ANKS1B: variants seen among roughly 807,000 people sequenced by gnomAD.
The protein encoded by ANKS1B is ankyrin repeat and sterile alpha motif domain-containing protein 1B.
In ANKS1B, 36 loss-of-function variants were observed where a neutral mutation model predicts 148.3. That is an observed-to-expected ratio of 0.24 (90% CI 0.19 to 0.32). The LOEUF (loss-of-function observed/expected upper bound fraction) is 0.32. ANKS1B is among the 10% of genes least tolerant of loss of function. The pLI is 1.00. For synonymous variants in ANKS1B, 542 were observed against 560.8 expected (o/e 0.97, Z 0.47); for missense variants, 1,157 against 1,542.6 (o/e 0.75, Z 4.19).
At chr12:98,810,810 T>C (rs1009456746) in intron 19 of ANKS1B, among the ~76,000 whole-genome samples, 22 of 152,226 alleles carry the variant, frequency 1.4e-4, no homozygotes, top group African/African-American at 5.1e-4. Context: ...GAAGACTCCA[T>C]TTTGTATGAA....
chr12:99,195,028 G>C (rs2081225498), intron 14 of ANKS1B, among the ~76,000 whole-genome samples: 1 of 151,924 alleles, frequency 6.6e-6, no homozygotes, highest in Admixed American at 6.6e-5. Context: ...TGAAAACATT[G>C]GATTCTTGAG....
intron 9 of ANKS1B, among the ~76,000 whole-genome samples, chr12:99,534,018 C>A (rs1029393188): frequency 1.3e-5 from 2 of 152,092 alleles, no homozygotes; most frequent in Non-Finnish European, 2.9e-5. Context: ...TTTTAAAAAA[C>A]CCTCTTTGTA....
chr12:98,938,295 A>C (rs1450602778), intron 17 of ANKS1B, among the ~76,000 whole-genome samples: 2 of 152,224 alleles, frequency 1.3e-5, no homozygotes, highest in Non-Finnish European at 2.9e-5. Flanking sequence ...TCAGTGGAAT[A>C]TCTTTATTAA....
intron 12 of ANKS1B, among the ~76,000 whole-genome samples, chr12:99,375,339 A>G (rs960405647): frequency 4.6e-5 from 7 of 152,178 alleles, no homozygotes; most frequent in African/African-American, 1.7e-4. Flanking sequence ...CCACTGGTGT[A>G]TATCATTGCT....
chr12:98,975,060 C>T (rs959223628), intron 17 of ANKS1B, among the ~76,000 whole-genome samples: 1 of 133,278 alleles, frequency 7.5e-6, no homozygotes, highest in Non-Finnish European at 1.6e-5. Flanking sequence ...TTCCTTCCCT[C>T]CTTCTTCCTC....
chr12:99,305,779 C>T (rs1320013406), intron 12 of ANKS1B, among the ~76,000 whole-genome samples: 1 of 152,110 alleles, frequency 6.6e-6, no homozygotes, highest in Non-Finnish European at 1.5e-5. Context: ...TCTTTAAAAT[C>T]ACCTGGTTCT....
intron 1 of ANKS1B, among the ~76,000 whole-genome samples, chr12:99,944,834 A>G (rs2095019806): frequency 6.6e-6 from 1 of 152,092 alleles, no homozygotes; most frequent in East Asian, 1.9e-4. Context: ...ATTGCTAGGG[A>G]AAAACTGGAG....
chr12:99,815,989 G>T (rs955657928), intron 2 of ANKS1B, among the ~76,000 whole-genome samples: 7 of 151,570 alleles, frequency 4.6e-5, no homozygotes, highest in African/African-American at 1.7e-4. Context: ...TTTTCCTTCG[G>T]GTAGATACCC....
chr12:99,916,074 G>T (rs1300094788), intron 1 of ANKS1B, among the ~76,000 whole-genome samples: 5 of 152,168 alleles, frequency 3.3e-5, no homozygotes, highest in African/African-American at 1.2e-4. Context: ...ATGACAAGTA[G>T]TTAATAAGGT....
intron 17 of ANKS1B, among the ~76,000 whole-genome samples, chr12:99,033,788 C>A (rs539546477): frequency 1.3e-5 from 2 of 152,334 alleles, no homozygotes; most frequent in African/African-American, 4.8e-5. Context: ...GGTTGACTAT[C>A]TTCAGATTAC....
At chr12:99,429,950 CA>C (rs2095339054) in intron 11 of ANKS1B, among the ~76,000 whole-genome samples, 1 of 150,534 alleles carries the variant, frequency 6.6e-6, no homozygotes, top group Non-Finnish European at 1.5e-5. Context: ...GGCGACAGAG[CA>C]AGACTCCGTC....
In ANKS1B at chr12:99,650,310, T is replaced by C. The variant is rs11109973; in HGVS notation, c.1272+4757A>G. Reference sequence around the variant, plus strand: ...ACACACAGACTCTCTCTCTCTCTCCTCTCTCTCTCCAGGTTTGAATCACAG... The same window carrying C: ...ACACACAGACTCTCTCTCTCTCTCCCCTCTCTCTCCAGGTTTGAATCACAG... On this transcript the variant is annotated intron_variant, in intron 9 of 26. Coordinates refer to ENST00000683438, the MANE Select transcript of ANKS1B (RefSeq NM_001352186.2). 3.4e-5 allele frequency among the ~76,000 whole-genome samples: 4 copies of C among 118,944 alleles called. No homozygotes were observed. In the Admixed American group the frequency reaches 4.0e-4, roughly 12 times the overall value. 78.0% of individuals were successfully genotyped at this position (118,944 alleles called of 152,430 possible).
At chr12:99,141,147 C>T (rs768804230) in intron 15 of ANKS1B, among the ~76,000 whole-genome samples, 3 of 151,986 alleles carry the variant, frequency 2.0e-5, no homozygotes, top group Non-Finnish European at 4.4e-5. Flanking sequence ...CTAATCATTC[C>T]TTTCAGTAGC....
At chr12:99,156,980 C>T (rs1450023108) in intron 14 of ANKS1B, among the ~76,000 whole-genome samples, 2 of 152,146 alleles carry the variant, frequency 1.3e-5, no homozygotes, top group East Asian at 3.9e-4. Context: ...AATAAGATAA[C>T]TTGTTTTTTA....
Position 98,883,751 on chromosome 12 carries a change from C to T in ANKS1B, c.2779-51615G>A, listed in dbSNP as rs374800337. On this transcript the variant is annotated intron_variant, in intron 17 of 26. Transcript: ENST00000683438. ...GATTGAGTAGTTGGAAGTTGTGCAA[C>T]GATATAACTTCTTATAAAAGTAAAT... Among the ~76,000 whole-genome samples the T allele has an allele frequency of 2.5e-3, 378 of 152,192 alleles. 2 individuals are homozygous for T. The highest frequency in any genetic ancestry group is 4.2e-3 in the South Asian group (20 of 4,818).
At chr12:99,229,654 T>G (rs2086512547) in intron 14 of ANKS1B, among the ~76,000 whole-genome samples, 1 of 151,948 alleles carries the variant, frequency 6.6e-6, no homozygotes, top group Non-Finnish European at 1.5e-5. Flanking sequence ...CAAATAAATT[T>G]GTATCTAAAA....
At chr12:99,411,275 G>A (rs2094697285) in intron 11 of ANKS1B, among the ~76,000 whole-genome samples, 1 of 152,086 alleles carries the variant, frequency 6.6e-6, no homozygotes, top group Non-Finnish European at 1.5e-5. Flanking sequence ...CAATGTTTAG[G>A]TCCCACTTAT....
intron 10 of ANKS1B, among the ~76,000 whole-genome samples, chr12:99,448,148 C>T (rs1009331968): frequency 2.0e-5 from 3 of 152,074 alleles, no homozygotes; most frequent in African/African-American, 7.2e-5. Context: ...TATCTCCACT[C>T]CCATGTTATT....
chr12:99,235,313 C>T (rs566362437), intron 14 of ANKS1B, among the ~76,000 whole-genome samples: 1 of 152,140 alleles, frequency 6.6e-6, no homozygotes, highest in African/African-American at 2.4e-5. Context: ...CCAATGTTAC[C>T]TAAGTCTAGC....
Sources: gnomAD v4.1 joint callset for allele counts (sites outside exome capture counted in the v4.1 genomes callset) on GRCh38, gnomAD v4.1.1 for gene constraint, MANE v1.5 for transcripts, NCBI Gene and HGNC (gene_info 2026-07-23, HGNC 2026-07-21) for gene names.